GARRE1: variants seen among roughly 807,000 people sequenced by gnomAD.
The protein encoded by GARRE1 is granule associated Rac and RHOG effector 1.
GARRE1 carries 49 observed loss-of-function variants against 103.2 expected under a neutral mutation model. That is an observed-to-expected ratio of 0.47 (90% CI 0.38 to 0.60). The LOEUF is 0.60. Ranked by LOEUF, GARRE1 falls within the 20% of genes least tolerant of loss-of-function variation. GARRE1 has a pLI of 0.00. For missense variants in GARRE1, 1,199 were observed against 1,370.5 expected, an observed-to-expected ratio of 0.87 and a Z score of 1.98; for synonymous variants, 505 against 532.8, an observed-to-expected ratio of 0.95 and a Z score of 0.72.
In GARRE1 at chr19:34,352,874, A is replaced by G. The variant is rs1329895273; in HGVS notation, c.3132A>G (p.Pro1044=). The change falls in exon 14 of 14, where the codon CCA becomes CCG. Residue 1044 remains proline (P), a synonymous_variant. Transcript: ENST00000299505. ...VQTPPQPPPP[P]AHKAAPKGFK... is the part of the protein sequence containing the mutation. ...CCCCACCCCAGCCCCCACCCCCACC[A>G]GCACACAAGGCAGCACCCAAGGGCT... 8.3e-7 allele frequency: 1 copy of G among 1,205,754 alleles called. No homozygotes were observed. The highest frequency in any genetic ancestry group is 1.5e-5 in the African/African-American group (1 of 66,568). 74.7% of individuals were successfully genotyped at this position (1,205,754 alleles called of 1,614,324 possible).
At chr19:34,326,035 C>T (rs2074110242) in intron 3 of GARRE1, among the ~76,000 whole-genome samples, 1 of 152,188 alleles carries the variant, frequency 6.6e-6, no homozygotes, top group Non-Finnish European at 1.5e-5. Context: ...TTTCTTTGTT[C>T]ACCTTTTTGG....
chr19:34,255,263 G>A (rs1448725859), intron 1 of GARRE1, among the ~76,000 whole-genome samples: 2 of 152,256 alleles, frequency 1.3e-5, no homozygotes, highest in African/African-American at 4.8e-5. Flanking sequence ...AGTCAGGGGT[G>A]TGTCTTTCTG....
At position 34,339,882 on chromosome 19, in the gene GARRE1, C is replaced by T. The variant is rs35990349; in HGVS notation, c.1377C>T (p.Asp459=). The part of the protein sequence containing the change: ...QVPSTWCLKE[D]PATMSLLQRS... ...CTATGCCTAGGTGCCTGAAAGAAGA[C>T]CCTGCTACCATGTCCCTGCTGCAGA... The change falls in exon 9 of 14, where the codon GAC becomes GAT. Residue 459 remains aspartate (D), a synonymous_variant. Transcript: ENST00000299505. 3.0e-4 allele frequency: 492 copies of T among 1,613,998 alleles called. No homozygotes were observed. The highest frequency in any genetic ancestry group is 4.0e-4 in the Non-Finnish European group (470 of 1,180,030).
Position 34,353,611 on chromosome 19 carries a change from C to T in GARRE1, c.*656C>T, listed in dbSNP as rs1347865145. On this transcript the variant is annotated 3_prime_UTR_variant, in exon 14 of 14. Coordinates refer to ENST00000299505, the MANE Select transcript of GARRE1 (RefSeq NM_014686.5). ...TGGGGTTTCTGGGGGTGGACAGTTC[C>T]TCGCCACCCAGCAGCACCCTGGGAC... The T allele has an allele frequency of 6.6e-6, 1 of 152,240 alleles. No homozygotes were observed. The highest frequency in any genetic ancestry group is 1.5e-5 in the Non-Finnish European group (1 of 68,060). The allele number at this position is 152,240 out of a possible 1,614,324, so 9.4% of individuals were successfully genotyped here.
intron 12 of GARRE1, among the ~76,000 whole-genome samples, chr19:34,351,230 A>G (rs958643035): frequency 6.6e-6 from 1 of 151,084 alleles, no homozygotes; most frequent in Non-Finnish European, 1.5e-5. Context: ...AATAATAATA[A>G]TAATAATAAA....
chr19:34,292,955 C>G (rs977944554), intron 1 of GARRE1, among the ~76,000 whole-genome samples: 1 of 152,066 alleles, frequency 6.6e-6, no homozygotes, highest in African/African-American at 2.4e-5. Flanking sequence ...ATGATCCTCC[C>G]GCCTCTGCCT....
At chr19:34,343,672 C>G (rs938319081) in intron 10 of GARRE1, among the ~76,000 whole-genome samples, 1 of 151,832 alleles carries the variant, frequency 6.6e-6, no homozygotes, top group Non-Finnish European at 1.5e-5. Context: ...CATAGTGAAA[C>G]CCCCATCTCT....
intron 1 of GARRE1, among the ~76,000 whole-genome samples, chr19:34,286,496 G>T (rs867930048): frequency 7.4e-5 from 11 of 148,090 alleles, no homozygotes; most frequent in African/African-American, 2.7e-4. Context: ...TGGGATTACA[G>T]GTGTGAGCCA....
In GARRE1 at chr19:34,347,911, A is replaced by G. The variant is rs750872838; in HGVS notation, c.2556A>G (p.Ala852=). The change falls in exon 11 of 14, where the codon GCA becomes GCG. Residue 852 remains alanine (A), a synonymous_variant. Transcript: ENST00000299505. Reference sequence around the variant, plus strand: ...ACCCAGAGTTTGCACGCTATGTGGCAGGAGTGAGCCAGGCGATGCAGCAGA... The same window carrying G: ...ACCCAGAGTTTGCACGCTATGTGGCGGGAGTGAGCCAGGCGATGCAGCAGA... ...GSDPEFARYV[A]GVSQAMQQKR... is the part of the protein sequence containing the mutation. 5.7e-6 allele frequency: 9 copies of G among 1,590,310 alleles called. No individual in the cohort carries two copies. The highest frequency in any genetic ancestry group is 6.9e-6 in the Non-Finnish European group (8 of 1,167,036).
In GARRE1 at chr19:34,263,894, G is replaced by A. The variant is rs542291727; in HGVS notation, c.-796+9280G>A. 4.2e-4 allele frequency among the ~76,000 whole-genome samples: 64 copies of A among 152,286 alleles called. No individual in the cohort carries two copies. The South Asian group carries it at 7.0e-3, about 17-fold the overall frequency. ...GTTAAGAGTGAGGACTGTGCAAGGC[G>A]GCTTGGGTTCAAGGCCTGCCCCTGC... On this transcript the variant is annotated intron_variant, in intron 1 of 13. Transcript: ENST00000299505.
chr19:34,328,665 G>A (rs2074124006), intron 6 of GARRE1, among the ~76,000 whole-genome samples: 1 of 151,956 alleles, frequency 6.6e-6, no homozygotes, highest in Non-Finnish European at 1.5e-5. Context: ...GTACAGTGGT[G>A]TGATCTATCT....
intron 1 of GARRE1, among the ~76,000 whole-genome samples, 194 bp downstream of exon 1, chr19:34,254,808 G>C (rs1251165985): frequency 6.7e-6 from 1 of 149,670 alleles, no homozygotes; most frequent in African/African-American, 2.4e-5. Context: ...AGGACGCCGG[G>C]CTTTGCGGGC....
chr19:34,342,905 A>T (rs2074193985), intron 10 of GARRE1, among the ~76,000 whole-genome samples: 1 of 152,028 alleles, frequency 6.6e-6, no homozygotes, highest in South Asian at 2.1e-4. Flanking sequence ...TTCATAGAAT[A>T]CAGCTTCTCC....
intron 2 of GARRE1, among the ~76,000 whole-genome samples, chr19:34,318,912 C>T (rs2074072155): frequency 6.6e-6 from 1 of 151,946 alleles, no homozygotes; most frequent in South Asian, 2.1e-4. Context: ...TGTGATAGTG[C>T]ACCGAGGTCA....
Position 34,268,581 on chromosome 19 carries a change from A to C in GARRE1, c.-796+13967A>C, listed in dbSNP as rs560626468. On this transcript the variant is annotated intron_variant, in intron 1 of 13. Coordinates refer to ENST00000299505, the MANE Select transcript of GARRE1 (RefSeq NM_014686.5). ...CAGTTAAGTCCATTTGTTACCAGAA[A>C]ATCAGACAGACAGCTAGGTCTGTCC... 7.0e-4 allele frequency among the ~76,000 whole-genome samples: 107 copies of C among 152,316 alleles called. 2 individuals carry two copies. In the South Asian group the frequency reaches 0.022, roughly 32 times the overall value.
intron 8 of GARRE1, among the ~76,000 whole-genome samples, chr19:34,336,469 ATTT>A (rs11343595): frequency 6.7e-5 from 9 of 134,096 alleles, no homozygotes; most frequent in Non-Finnish European, 8.0e-5. Context: ...GTGTTCCTGA[ATTT>A]TTTTTTTTTT....
At chr19:34,345,549 G>A (rs935841524) in intron 10 of GARRE1, among the ~76,000 whole-genome samples, 6 of 152,356 alleles carry the variant, frequency 3.9e-5, no homozygotes, top group African/African-American at 1.2e-4. Flanking sequence ...GCCGGGTGCA[G>A]TGGCTCATGC....
At chr19:34,282,100 T>G in intron 1 of GARRE1, among the ~76,000 whole-genome samples, 1 of 152,216 alleles carries the variant, frequency 6.6e-6, no homozygotes, top group Non-Finnish European at 1.5e-5. Flanking sequence ...ATTTCTTATT[T>G]CCAAGAATTC....
chr19:34,288,610 G>T (rs79752791), intron 1 of GARRE1, among the ~76,000 whole-genome samples: 2 of 152,178 alleles, frequency 1.3e-5, no homozygotes, highest in African/African-American at 4.8e-5. Context: ...TTGGTACCAC[G>T]CAACCACCTC....
Sources: allele counts gnomAD v4.1 joint callset (sites outside exome capture counted in the v4.1 genomes callset), GRCh38; gene constraint gnomAD v4.1.1; transcripts MANE v1.5; gene names NCBI Gene and HGNC (gene_info 2026-07-23, HGNC 2026-07-21).